Variants in FBXW8 observed in about 807,000 individuals in gnomAD.
The protein encoded by FBXW8 is F-box/WD repeat-containing protein 8.
FBXW8 carries 57 observed loss-of-function variants against 65.3 expected under a neutral mutation model. That is an observed-to-expected ratio of 0.87 (90% confidence interval 0.71 to 1.09). The LOEUF (loss-of-function observed/expected upper bound fraction) is 1.09, where lower values mean the gene tolerates loss of function less well. FBXW8 is among the 50% of genes least tolerant of loss of function. FBXW8 has a pLI of 0.00. For synonymous variants in FBXW8, 308 were observed against 330.2 expected, an observed-to-expected ratio of 0.93 and a Z score of 0.73; for missense variants, 777 against 814.8, an observed-to-expected ratio of 0.95 and a Z score of 0.57.
intron 8 of FBXW8, among the ~76,000 whole-genome samples, chr12:117,013,375 G>A (rs7300401): frequency 0.013 from 2,027 of 152,270 alleles, 39 homozygotes; most frequent in African/African-American, 0.046. Flanking sequence ...AGATGGGAGC[G>A]GAGAGAAAAG....
intron 2 of FBXW8, among the ~76,000 whole-genome samples, chr12:116,929,087 T>C (rs1004953372): frequency 6.6e-6 from 1 of 152,196 alleles, no homozygotes; most frequent in African/African-American, 2.4e-5. Flanking sequence ...ATTACAGGCA[T>C]GAGCCACCGC....
Position 116,985,235 on chromosome 12 carries a change from G to C in FBXW8, c.865G>C (p.Gly289Arg). 3 of 1,610,224 alleles carry C rather than the reference G, an allele frequency of 1.9e-6. No homozygotes were observed. Among genetic ancestry groups the C allele is most frequent in the South Asian group, 2.2e-5 (2 of 89,776 alleles). The change falls in exon 6 of 11, where the codon GGA (glycine) becomes CGA (arginine). Residue 289 changes from glycine (G) to arginine (R), a missense_variant. Gly to Arg is a moderately radical substitution (Grantham distance 125). Transcript: ENST00000652555. ...TCTTAATATTTGGGATTTAAGGACC[G>C]GAAAGTACCCTGTTCATCGTTTTGA... is the stretch of plus-strand genomic sequence containing the variant. Reference protein sequence around the residue: ...GFLNIWDLRTGKYPVHRFEHD... With the variant: ...GFLNIWDLRTRKYPVHRFEHD...
intron 8 of FBXW8, among the ~76,000 whole-genome samples, chr12:117,022,394 C>T (rs1303827190): frequency 6.6e-6 from 1 of 151,400 alleles, no homozygotes; most frequent in Non-Finnish European, 1.5e-5. Flanking sequence ...ATGGCACATG[C>T]CTGTAATCCC....
At chr12:116,993,890 T>G (rs1369366132) in intron 7 of FBXW8, among the ~76,000 whole-genome samples, 1 of 152,246 alleles carries the variant, frequency 6.6e-6, no homozygotes, top group Non-Finnish European at 1.5e-5. Flanking sequence ...ATTTAAGTCT[T>G]GGTTAATTTT....
rs755615235 is a variant in FBXW8 at position 116,988,717 on chromosome 12, G to T, written c.1087G>T (p.Ala363Ser). Residue 363 changes from alanine (A) to serine (S), a missense_variant, in exon 7 of 11, where the codon GCT becomes TCT. By Grantham distance (99) the Ala-to-Ser change is moderately conservative (BLOSUM62 1). Transcript: ENST00000652555. The stretch of plus-strand genomic sequence containing the variant: ...CAGAAGGTACCCTGTGGCAGTAGCC[G>T]CTGCTGGAGATCTGATGTACCTGCT... The part of the protein sequence containing the change: ...ETRRYPVAVA[A>S]AGDLMYLLKA... 7 of 1,613,990 alleles carry T rather than the reference G, an allele frequency of 4.3e-6. No homozygotes were observed. The highest frequency in any genetic ancestry group is 5.9e-6 in the Non-Finnish European group (7 of 1,180,034).
At chr12:116,962,146 A>G (rs1184433044) in intron 4 of FBXW8, among the ~76,000 whole-genome samples, 1 of 152,164 alleles carries the variant, frequency 6.6e-6, no homozygotes, top group Admixed American at 6.5e-5. Context: ...GAGCTGAAGC[A>G]TTTGATTTTA....
intron 2 of FBXW8, among the ~76,000 whole-genome samples, chr12:116,941,425 G>A (rs995525566): frequency 1.3e-5 from 2 of 152,176 alleles, no homozygotes; most frequent in East Asian, 1.9e-4. Context: ...AATTCCATGC[G>A]AAGTGTCCAT....
At chr12:116,938,511 G>A (rs575505893) in intron 2 of FBXW8, among the ~76,000 whole-genome samples, 10 of 152,266 alleles carry the variant, frequency 6.6e-5, no homozygotes, top group Admixed American at 3.9e-4. Flanking sequence ...TTCAGATTGT[G>A]TTATTTAAAA....
At chr12:116,970,210 A>G (rs1458998102) in intron 5 of FBXW8, among the ~76,000 whole-genome samples, 4 of 152,206 alleles carry the variant, frequency 2.6e-5, no homozygotes, top group African/African-American at 9.6e-5. Context: ...CTCTTTGGTG[A>G]GAAATGAGAT....
At chr12:116,948,488 T>G (rs1883073231) in intron 3 of FBXW8, among the ~76,000 whole-genome samples, 1 of 152,190 alleles carries the variant, frequency 6.6e-6, no homozygotes, top group Non-Finnish European at 1.5e-5. Context: ...TTAATAAATG[T>G]GTATTTTAAT....
intron 8 of FBXW8, among the ~76,000 whole-genome samples, chr12:117,019,540 T>G (rs913941139): frequency 6.6e-6 from 1 of 152,220 alleles, no homozygotes; most frequent in Admixed American, 6.5e-5. Context: ...AGAAACAGTC[T>G]CTCCTCTGTG....
chr12:116,916,948 A>G (rs1880475316), intron 1 of FBXW8, among the ~76,000 whole-genome samples: 1 of 151,620 alleles, frequency 6.6e-6, no homozygotes, highest in East Asian at 1.9e-4. Flanking sequence ...TATCTGGGTT[A>G]TGAGTCATCA....
intron 5 of FBXW8, among the ~76,000 whole-genome samples, chr12:116,970,908 G>T (rs376831210): frequency 1.3e-5 from 2 of 152,150 alleles, no homozygotes; most frequent in East Asian, 3.9e-4. Flanking sequence ...TTAGGTCCAG[G>T]AATCTAGTCT....
intron 1 of FBXW8, among the ~76,000 whole-genome samples, chr12:116,925,435 C>CT (rs1881248682): frequency 2.0e-5 from 3 of 152,206 alleles, no homozygotes; most frequent in South Asian, 2.1e-4. Flanking sequence ...CAGAATTACT[C>CT]TAAGTGTGCG....
At position 117,027,492 on chromosome 12, in the gene FBXW8, C is replaced by G. The variant is rs376159680; in HGVS notation, c.1640C>G (p.Thr547Ser). 3 of 1,613,908 alleles carry G rather than the reference C, an allele frequency of 1.9e-6. No homozygotes were observed. The African/African-American group carries it at 4.0e-5, about 22-fold the overall frequency. Reference sequence around the variant, plus strand: ...CGAAACGCCGACCTGGACAGCTTCACTACTCACAGGAGGTTAGTGGTGGGG... The same window carrying G: ...CGAAACGCCGACCTGGACAGCTTCAGTACTCACAGGAGGTTAGTGGTGGGG... ...VMRNADLDSFTTHRRHRGLIR... is the reference protein window; with the variant it reads ...VMRNADLDSFSTHRRHRGLIR... The change falls in exon 10 of 11, where the codon ACT becomes AGT. Residue 547 changes from threonine (T) to serine (S), a missense_variant. Thr to Ser is a moderately conservative substitution (Grantham distance 58, BLOSUM62 1). Transcript: ENST00000652555.
At chr12:116,925,640 G>A (rs78762623) in intron 1 of FBXW8, among the ~76,000 whole-genome samples, 1,891 of 152,176 alleles carry the variant, frequency 0.012, 29 homozygotes, top group African/African-American at 0.041. Flanking sequence ...TGAGAGCACA[G>A]TGACTTTTTT....
At chr12:116,960,048 G>A (rs543830354) in intron 4 of FBXW8, among the ~76,000 whole-genome samples, 2 of 152,314 alleles carry the variant, frequency 1.3e-5, no homozygotes, top group East Asian at 3.9e-4. Flanking sequence ...TGTCATAGTG[G>A]CATCTTAATT....
intron 7 of FBXW8, among the ~76,000 whole-genome samples, chr12:117,000,106 C>G (rs1342562396): frequency 1.3e-5 from 2 of 152,096 alleles, no homozygotes; most frequent in Non-Finnish European, 2.9e-5. Context: ...CTCAGCCTCC[C>G]GAGTAGCTGG....
chr12:117,009,189 TAGTG>T (rs1169462143), intron 7 of FBXW8, among the ~76,000 whole-genome samples: 1 of 152,124 alleles, frequency 6.6e-6, no homozygotes, highest in Non-Finnish European at 1.5e-5. Flanking sequence ...CTGGGCAACA[TAGTG>T]AGACCGCTTC....
Sources: allele counts gnomAD v4.1 joint callset (sites outside exome capture counted in the v4.1 genomes callset), GRCh38; gene constraint gnomAD v4.1.1; transcripts MANE v1.5; gene names NCBI Gene and HGNC (gene_info 2026-07-23, HGNC 2026-07-21).